The following SLC26A7 variants were observed in gnomAD, a reference collection of about 807,000 sequenced individuals.
SLC26A7 encodes the protein anion exchange transporter.
SLC26A7 carries 59 observed loss-of-function variants against 82.5 expected under a neutral mutation model. The ratio of observed to expected loss-of-function variants is 0.72; its 90% CI spans 0.58 to 0.89. SLC26A7 has a LOEUF of 0.89. SLC26A7 is among the 40% of genes least tolerant of loss of function. The pLI, the probability that SLC26A7 is intolerant of heterozygous loss-of-function variation, is 0.00. For missense variants in SLC26A7, 820 were observed against 793.0 expected (o/e 1.03, Z -0.41); for synonymous variants, 271 against 274.3 (o/e 0.99, Z 0.12).
At chr8:91,240,789 C>T (rs1031461845) in intron 2 of SLC26A7, among the ~76,000 whole-genome samples, 41 of 152,034 alleles carry the variant, frequency 2.7e-4, no homozygotes, top group African/African-American at 9.9e-4. Context: ...GCTTTAAGAT[C>T]CTGGGAAAGC....
intron 2 of SLC26A7, among the ~76,000 whole-genome samples, chr8:91,272,169 A>G (rs1811291029): frequency 1.3e-5 from 2 of 152,142 alleles, no homozygotes; most frequent in African/African-American, 4.8e-5. Context: ...TCTACCTGAT[A>G]GTCAGGACCT....
intron 3 of SLC26A7, among the ~76,000 whole-genome samples, chr8:91,292,151 A>C (rs1354003042): frequency 1.3e-5 from 2 of 152,044 alleles, no homozygotes; most frequent in Non-Finnish European, 2.9e-5. Flanking sequence ...TAAAAATACA[A>C]AAAATTAGCT....
chr8:91,224,046 TG>T (rs1197099000), intron 2 of SLC26A7, among the ~76,000 whole-genome samples: 4 of 152,048 alleles, frequency 2.6e-5, no homozygotes, highest in Non-Finnish European at 5.9e-5. Flanking sequence ...TATGTTCCTC[TG>T]TAAACTGGTT....
intron 13 of SLC26A7, among the ~76,000 whole-genome samples, chr8:91,366,188 T>G (rs10088043): frequency 0.39 from 59,786 of 151,934 alleles, 12,618 homozygotes; most frequent in African/African-American, 0.52. Context: ...TGACCCTTTA[T>G]AACACATTTT....
intron 2 of SLC26A7, among the ~76,000 whole-genome samples, chr8:91,223,370 T>C (rs559777215): frequency 7.2e-5 from 11 of 152,332 alleles, no homozygotes; most frequent in Admixed American, 2.0e-4. Flanking sequence ...TGTCTTATGC[T>C]AGCTTTTGGA....
chr8:91,390,126 T>TTC (rs1814916678), intron 16 of SLC26A7, among the ~76,000 whole-genome samples: 2 of 148,868 alleles, frequency 1.3e-5, no homozygotes, highest in African/African-American at 5.0e-5. Flanking sequence ...TTTTTTTTTT[T>TTC]CTGAGACGGA....
intron 9 of SLC26A7, among the ~76,000 whole-genome samples, chr8:91,349,389 T>C: frequency 6.6e-6 from 1 of 152,168 alleles, no homozygotes; most frequent in East Asian, 1.9e-4. Context: ...TGTAATTCAA[T>C]TGTTGTTAAT....
intron 2 of SLC26A7, among the ~76,000 whole-genome samples, chr8:91,266,927 G>T (rs1811128769): frequency 6.6e-6 from 1 of 151,794 alleles, no homozygotes; most frequent in Admixed American, 6.6e-5. Flanking sequence ...TATCTAAATT[G>T]TTGAGAGTTT....
chr8:91,313,607 CTT>C (rs1812547886), intron 4 of SLC26A7, among the ~76,000 whole-genome samples: 1 of 152,128 alleles, frequency 6.6e-6, no homozygotes. Flanking sequence ...GCTTTTCAGA[CTT>C]TACCATCCAG....
chr8:91,384,254 G>C (rs755856668), intron 15 of SLC26A7, among the ~76,000 whole-genome samples: 63 of 152,100 alleles, frequency 4.1e-4, no homozygotes, highest in Non-Finnish European at 7.6e-4. Flanking sequence ...GTATTCCTTG[G>C]GTCATGGCCC....
intron 5 of SLC26A7, among the ~76,000 whole-genome samples, chr8:91,320,374 T>G (rs1273812407): frequency 1.3e-5 from 2 of 152,198 alleles, no homozygotes; most frequent in African/African-American, 4.8e-5. Context: ...TGATGGAAAT[T>G]GCTATGCTTT....
chr8:91,300,464 C>T (rs1243909207), intron 4 of SLC26A7, among the ~76,000 whole-genome samples: 2 of 150,844 alleles, frequency 1.3e-5, no homozygotes, highest in Non-Finnish European at 2.9e-5. Flanking sequence ...GGGGCGCGAT[C>T]TCGGCTCACT....
intron 2 of SLC26A7, among the ~76,000 whole-genome samples, chr8:91,251,456 C>A (rs1414869296): frequency 6.6e-6 from 1 of 152,090 alleles, no homozygotes; most frequent in African/African-American, 2.4e-5. Context: ...GGCTGCACTA[C>A]AAAAACGTTT....
In SLC26A7 at chr8:91,333,361, A is replaced by G. The variant is rs77569370; in HGVS notation, c.643-934A>G. On this transcript the variant is annotated intron_variant, in intron 5 of 18. Transcript: ENST00000276609. The stretch of plus-strand genomic sequence containing the variant: ...AGTTTCAGGCAAATTCTTTGAGGTA[A>G]GTATAACTTCAAGCAGGGCTGCACA... 3.1e-3 allele frequency among the ~76,000 whole-genome samples: 479 copies of G among 152,274 alleles called. 3 individuals are homozygous for G. Among genetic ancestry groups the G allele is most frequent in the African/African-American group, 0.011 (463 of 41,566 alleles).
chr8:91,305,525 T>C (rs1184316701), intron 4 of SLC26A7, among the ~76,000 whole-genome samples: 2 of 152,156 alleles, frequency 1.3e-5, no homozygotes, highest in Non-Finnish European at 2.9e-5. Context: ...GTATGACTAT[T>C]GTTTTATTGA....
At chr8:91,368,425 G>GTT (rs1269729279) in intron 14 of SLC26A7, among the ~76,000 whole-genome samples, 6 of 90,612 alleles carry the variant, frequency 6.6e-5, no homozygotes, top group Non-Finnish European at 9.6e-5. Flanking sequence ...TTTTTTTTTT[G>GTT]TTTTTTTTTT....
intron 16 of SLC26A7, among the ~76,000 whole-genome samples, chr8:91,390,242 G>A (rs768843413): frequency 6.6e-6 from 1 of 151,128 alleles, no homozygotes; most frequent in Non-Finnish European, 1.5e-5. Flanking sequence ...TCAGCCTCCC[G>A]AGTAGCTGGG....
At chr8:91,384,704 G>C (rs4734539) in intron 15 of SLC26A7, among the ~76,000 whole-genome samples, 33,611 of 151,694 alleles carry the variant, frequency 0.22, 4,749 homozygotes, top group African/African-American at 0.4. Flanking sequence ...ATTGTACTTA[G>C]ATTTTCTAGG....
At chr8:91,323,526 T>TA (rs1306592483) in intron 5 of SLC26A7, among the ~76,000 whole-genome samples, 2 of 152,200 alleles carry the variant, frequency 1.3e-5, no homozygotes, top group African/African-American at 4.8e-5. Context: ...TGCTTGGTTG[T>TA]ATGTTTGGTC....
Sources: gnomAD v4.1 joint callset for allele counts (sites outside exome capture counted in the v4.1 genomes callset) on GRCh38, gnomAD v4.1.1 for gene constraint, MANE v1.5 for transcripts, NCBI Gene and HGNC (gene_info 2026-07-23, HGNC 2026-07-21) for gene names.